Variants in SCHIP1 observed in about 807,000 individuals in gnomAD.
The protein encoded by SCHIP1 is schwannomin-interacting protein 1.
A neutral mutation model predicts 29.7 loss-of-function variants in SCHIP1; 8 were observed. The observed-to-expected ratio is 0.27, with a 90% CI of 0.16 to 0.49. The LOEUF is 0.49. SCHIP1 is among the 20% of genes least tolerant of loss of function. The pLI, the probability that SCHIP1 is intolerant of heterozygous loss-of-function variation, is 0.99. For synonymous variants in SCHIP1, 76 were observed against 94.9 expected (o/e 0.80, Z 1.16); for missense variants, 193 against 294.6 (o/e 0.66, Z 2.52).
chr3:159,603,265 C>T, the SCHIP1 span, among the ~76,000 whole-genome samples: 3 of 152,194 alleles, frequency 2.0e-5, no homozygotes, highest in Non-Finnish European at 2.9e-5. Flanking sequence ...TGCCACCCTC[C>T]AGGAACTTCC....
At chr3:159,440,564 TG>T in the SCHIP1 span, among the ~76,000 whole-genome samples, 1 of 152,166 alleles carries the variant, frequency 6.6e-6, no homozygotes, top group Non-Finnish European at 1.5e-5. Context: ...AAATTAGAAC[TG>T]GGGTTCACTC....
chr3:159,708,126 C>T, the SCHIP1 span, among the ~76,000 whole-genome samples: 8 of 152,272 alleles, frequency 5.3e-5, no homozygotes, highest in East Asian at 1.5e-3. Flanking sequence ...TCCCAAAACT[C>T]CTGAGTCAGG....
chr3:159,732,630 CAAGGTTACAG>C, the SCHIP1 span, among the ~76,000 whole-genome samples: 1 of 152,154 alleles, frequency 6.6e-6, no homozygotes, highest in Non-Finnish European at 1.5e-5. Context: ...GAGAAGGCAG[CAAGGTTACAG>C]AAGGCCCTGA....
At chr3:159,673,900 G>A in the SCHIP1 span, among the ~76,000 whole-genome samples, 2 of 152,140 alleles carry the variant, frequency 1.3e-5, no homozygotes, top group Non-Finnish European at 2.9e-5. Flanking sequence ...ATACAAAAAT[G>A]AACAAGCCAG....
At chr3:159,403,952 T>C in the SCHIP1 span, among the ~76,000 whole-genome samples, 1 of 152,168 alleles carries the variant, frequency 6.6e-6, no homozygotes, top group East Asian at 1.9e-4. Context: ...CACAGTAGAA[T>C]AGGGCACCAG....
At chr3:159,857,116 C>G (rs1034980180) in intron 1 of SCHIP1, among the ~76,000 whole-genome samples, 1 of 152,156 alleles carries the variant, frequency 6.6e-6, no homozygotes, top group East Asian at 1.9e-4. Context: ...TTAGCCTGGT[C>G]GGTCTTAGAT....
At chr3:159,404,308 G>A in the SCHIP1 span, among the ~76,000 whole-genome samples, 1 of 152,134 alleles carries the variant, frequency 6.6e-6, no homozygotes, top group Non-Finnish European at 1.5e-5. Flanking sequence ...AGGCCACAGT[G>A]GGGTAGAGGA....
the SCHIP1 span, among the ~76,000 whole-genome samples, chr3:159,535,807 C>T: frequency 6.6e-6 from 1 of 152,104 alleles, no homozygotes; most frequent in Admixed American, 6.5e-5. Context: ...GTTGCTTTCT[C>T]ATATTATTTG....
chr3:159,474,547 C>G, the SCHIP1 span, among the ~76,000 whole-genome samples: 1 of 152,048 alleles, frequency 6.6e-6, no homozygotes, highest in Non-Finnish European at 1.5e-5. Flanking sequence ...TCTCTCTAAA[C>G]GGTATCCAGA....
the SCHIP1 span, among the ~76,000 whole-genome samples, chr3:159,338,205 T>A: frequency 6.6e-6 from 1 of 152,226 alleles, no homozygotes; most frequent in East Asian, 1.9e-4. Context: ...TTGAAATAGG[T>A]AATATTTCAA....
intron 1 of SCHIP1, among the ~76,000 whole-genome samples, chr3:159,860,921 G>A (rs945704349): frequency 6.6e-6 from 1 of 152,020 alleles, no homozygotes; most frequent in Non-Finnish European, 1.5e-5. Flanking sequence ...GCCCTTTCCG[G>A]CTCTGTGGGT....
At chr3:159,396,593 A>T in the SCHIP1 span, among the ~76,000 whole-genome samples, 151 of 151,570 alleles carry the variant, frequency 1.0e-3, no homozygotes, top group South Asian at 0.017. Context: ...TTAGTTTGGC[A>T]GGATATGAAA....
chr3:159,524,098 C>A, the SCHIP1 span, among the ~76,000 whole-genome samples: 1,747 of 152,268 alleles, frequency 0.011, 12 homozygotes, highest in South Asian at 0.024. Context: ...TACATGATCA[C>A]CCTCATCAAT....
chr3:159,404,415 G>A, the SCHIP1 span, among the ~76,000 whole-genome samples: 1 of 152,112 alleles, frequency 6.6e-6, no homozygotes, highest in Non-Finnish European at 1.5e-5. Flanking sequence ...TGCCCTGAAG[G>A]GAGCGTCCTA....
the SCHIP1 span, among the ~76,000 whole-genome samples, chr3:159,388,234 A>AG: frequency 1.3e-5 from 2 of 152,276 alleles, no homozygotes; most frequent in African/African-American, 4.8e-5. Context: ...TTGTAAAATT[A>AG]GAAAATCAAC....
chr3:159,746,246 A>C, the SCHIP1 span, among the ~76,000 whole-genome samples: 1 of 152,330 alleles, frequency 6.6e-6, no homozygotes, highest in Admixed American at 6.5e-5. Flanking sequence ...ACCTCATCCT[A>C]TCATTGTCTT....
chr3:159,398,298 T>C, the SCHIP1 span, among the ~76,000 whole-genome samples: 13 of 152,118 alleles, frequency 8.5e-5, no homozygotes, highest in African/African-American at 2.4e-5. Flanking sequence ...GCGTCGCTCA[T>C]GCTGGGAGCT....
rs893729983 is a variant in SCHIP1, at chr3:159,890,373, G to C, written c.589+1430G>C. ...CTTCATATTGGAAAAACAATTCTAT[G>C]CATTAAGGGTTCAGATATGTAGACA... On this transcript the variant is annotated intron_variant, in intron 5 of 6. Coordinates refer to ENST00000445224, the Ensembl canonical transcript of SCHIP1. Among the ~76,000 whole-genome samples the C allele has an allele frequency of 2.6e-5, 4 of 152,060 alleles. No individual in the cohort carries two copies. In the South Asian group the frequency reaches 8.3e-4, roughly 32 times the overall value.
the SCHIP1 span, among the ~76,000 whole-genome samples, chr3:159,517,186 A>T: frequency 3.3e-5 from 5 of 152,196 alleles, no homozygotes; most frequent in African/African-American, 1.2e-4. Context: ...AGTGCTGGTT[A>T]AGTGTTTTAT....
Sources: allele counts gnomAD v4.1 joint callset (sites outside exome capture counted in the v4.1 genomes callset), GRCh38; gene constraint gnomAD v4.1.1; transcripts MANE v1.5; gene names NCBI Gene and HGNC (gene_info 2026-07-23, HGNC 2026-07-21).